Variants in SNX29 observed in about 807,000 individuals in gnomAD.
The protein encoded by SNX29 is sorting nexin 29, also known as sorting nexin-29.
A neutral mutation model predicts 102.1 loss-of-function variants in SNX29; 78 were observed. The ratio of observed to expected loss-of-function variants is 0.76; its 90% confidence interval spans 0.64 to 0.92. SNX29 has a LOEUF of 0.92. Ranked by LOEUF, SNX29 falls within the 40% of genes least tolerant of loss-of-function variation. SNX29 has a pLI of 0.00. For synonymous variants in SNX29, 580 were observed against 414.5 expected, an observed-to-expected ratio of 1.40 and a Z score of -4.85; for missense variants, 1,280 against 1,061.7, an observed-to-expected ratio of 1.21 and a Z score of -2.86.
At chr16:12,522,843 A>G (rs1407140620) in intron 19 of SNX29, among the ~76,000 whole-genome samples, 2 of 152,118 alleles carry the variant, frequency 1.3e-5, no homozygotes, top group Admixed American at 1.3e-4. Flanking sequence ...GTCAGGGTCT[A>G]ACTGTCTCCC....
intron 13 of SNX29, among the ~76,000 whole-genome samples, chr16:12,172,265 A>G (rs1402593131): frequency 6.6e-6 from 1 of 152,122 alleles, no homozygotes; most frequent in Non-Finnish European, 1.5e-5. Flanking sequence ...TCAAGATGGG[A>G]AGAAAAAGAA....
chr16:12,439,650 A>G (rs961998803), intron 18 of SNX29, among the ~76,000 whole-genome samples: 2 of 152,164 alleles, frequency 1.3e-5, no homozygotes, highest in African/African-American at 2.4e-5. Context: ...GTTATTTCCC[A>G]CTGGGTCCCT....
At chr16:12,412,293 C>T (rs1259382689) in intron 18 of SNX29, among the ~76,000 whole-genome samples, 2 of 152,232 alleles carry the variant, frequency 1.3e-5, no homozygotes, top group Non-Finnish European at 2.9e-5. Flanking sequence ...CCCTCTGGGT[C>T]ATGCACAAGA....
chr16:12,269,642 C>T (rs558482392), intron 14 of SNX29, among the ~76,000 whole-genome samples: 229 of 152,270 alleles, frequency 1.5e-3, no homozygotes, highest in Non-Finnish European at 2.3e-3. Flanking sequence ...TTTCTGAACA[C>T]TGTCAAGGTA....
At chr16:12,020,803 T>C (rs1029141412) in intron 3 of SNX29, among the ~76,000 whole-genome samples, 5 of 151,386 alleles carry the variant, frequency 3.3e-5, no homozygotes, top group African/African-American at 9.7e-5. Flanking sequence ...TTTGTATTTT[T>C]AGTAGAGATG....
intron 20 of SNX29, chr16:12,557,444 C>G (rs886731766): frequency 2.0e-5 from 3 of 152,032 alleles, no homozygotes; most frequent in Non-Finnish European, 4.4e-5. Context: ...TCACTGCAAC[C>G]TCCTCCTCCT....
rs147620928 is a variant in SNX29 at position 12,540,753 on chromosome 16, C to G, written c.2318+15912C>G. Among the ~76,000 whole-genome samples the G allele has an allele frequency of 1.4e-3, 214 of 152,338 alleles. 2 individuals are homozygous for G. The highest frequency in any genetic ancestry group is 2.8e-3 in the Non-Finnish European group (190 of 68,020). On this transcript the variant is annotated intron_variant, in intron 20 of 20. Transcript: ENST00000566228. ...TGGGCATCCTTGGGGCACCATTGATCTTACCGCCACCTCCCCTAGAGTGTC... is the reference window on the plus strand; with the variant it reads ...TGGGCATCCTTGGGGCACCATTGATGTTACCGCCACCTCCCCTAGAGTGTC...
At chr16:12,116,121 C>G (rs1165432030) in intron 11 of SNX29, among the ~76,000 whole-genome samples, 7 of 152,222 alleles carry the variant, frequency 4.6e-5, no homozygotes, top group African/African-American at 1.7e-4. Flanking sequence ...AAAACTCTCT[C>G]TCCTAATTGT....
intron 20 of SNX29, among the ~76,000 whole-genome samples, chr16:12,566,368 C>A (rs995947078): frequency 1.3e-5 from 2 of 152,168 alleles, no homozygotes; most frequent in Non-Finnish European, 2.9e-5. Context: ...TCTCCTCTCC[C>A]AACCAACAAG....
chr16:12,158,360 C>T (rs906021619), intron 13 of SNX29, among the ~76,000 whole-genome samples: 3 of 152,042 alleles, frequency 2.0e-5, no homozygotes, highest in Admixed American at 6.6e-5. Flanking sequence ...CCACCACACC[C>T]GGCTAATTTT....
chr16:12,410,724 G>A (rs1351435404), intron 18 of SNX29, among the ~76,000 whole-genome samples: 1 of 152,218 alleles, frequency 6.6e-6, no homozygotes, highest in African/African-American at 2.4e-5. Flanking sequence ...GCAAGCCACT[G>A]TGCCTGGCCT....
chr16:12,534,635 A>G (rs895087137), intron 20 of SNX29, among the ~76,000 whole-genome samples: 6 of 152,216 alleles, frequency 3.9e-5, no homozygotes, highest in Non-Finnish European at 8.8e-5. Flanking sequence ...ATTCATGGGT[A>G]AAATTCACCT....
At chr16:12,400,056 A>G (rs1169890542) in intron 17 of SNX29, among the ~76,000 whole-genome samples, 1 of 152,194 alleles carries the variant, frequency 6.6e-6, no homozygotes, top group East Asian at 1.9e-4. Flanking sequence ...CCCTGCCCTC[A>G]AGTGGTCTCT....
intron 15 of SNX29, among the ~76,000 whole-genome samples, chr16:12,347,470 A>T (rs1236603913): frequency 2.0e-5 from 3 of 152,130 alleles, no homozygotes; most frequent in East Asian, 1.9e-4. Flanking sequence ...ATGAGCCTCC[A>T]TGCAGGCTCT....
At chr16:12,418,589 A>G (rs920303854) in intron 18 of SNX29, among the ~76,000 whole-genome samples, 4 of 151,456 alleles carry the variant, frequency 2.6e-5, no homozygotes, top group East Asian at 1.9e-4. Flanking sequence ...ATCTTGGCTC[A>G]CTGCAACCTC....
chr16:12,548,230 G>A (rs988322574), intron 20 of SNX29, among the ~76,000 whole-genome samples: 7 of 152,200 alleles, frequency 4.6e-5, no homozygotes, highest in African/African-American at 1.7e-4. Context: ...CTGCCACAGT[G>A]TTAGGTTACA....
chr16:12,570,230 C>G lies in SNX29; in HGVS notation c.*1601C>G, dbSNP rs1408861143. The G allele has an allele frequency of 1.9e-6, 2 of 1,065,240 alleles. No homozygotes were observed. The highest frequency in any genetic ancestry group is 1.6e-5 in the African/African-American group (1 of 61,032). The allele number at this position is 1,065,240 out of a possible 1,614,324, so 66.0% of individuals were successfully genotyped here. A position where few individuals can be genotyped will look rare whatever the true frequency, so the allele number is the denominator to read the frequency against. ...GGACCTGGGGCCAGATAAGCCCTGC[C>G]CCGGTGAGACCAAATGAGCTGGAGC... is the stretch of plus-strand genomic sequence containing the variant. On this transcript the variant is annotated 3_prime_UTR_variant, in exon 21 of 21. Transcript: ENST00000566228.
intron 3 of SNX29, among the ~76,000 whole-genome samples, chr16:12,015,455 G>T (rs145791967): frequency 6.6e-6 from 1 of 151,628 alleles, no homozygotes; most frequent in Non-Finnish European, 1.5e-5. Flanking sequence ...GGCCAGGATG[G>T]TCTTGATCTC....
chr16:12,551,533 A>G (rs1036552619), intron 20 of SNX29, among the ~76,000 whole-genome samples: 1 of 152,236 alleles, frequency 6.6e-6, no homozygotes, highest in African/African-American at 2.4e-5. Flanking sequence ...AAAGTTCCCC[A>G]GGTAATTCTA....
Sources: gnomAD v4.1 joint callset for allele counts (sites outside exome capture counted in the v4.1 genomes callset) on GRCh38, gnomAD v4.1.1 for gene constraint, MANE v1.5 for transcripts, NCBI Gene and HGNC (gene_info 2026-07-23, HGNC 2026-07-21) for gene names.